Variants in TMEM202 observed in about 807,000 individuals in gnomAD.
TMEM202 encodes the protein transmembrane protein 202.
TMEM202 carries 25 observed loss-of-function variants against 26.1 expected under a neutral mutation model. The observed-to-expected ratio is 0.96, with a 90% CI of 0.70 to 1.34. TMEM202 has a LOEUF of 1.34. Ranked by LOEUF, TMEM202 falls within the 40% of genes most tolerant of loss-of-function variation. TMEM202 has a pLI of 0.00. For synonymous variants in TMEM202, 122 were observed against 119.0 expected (o/e 1.02, Z -0.16); for missense variants, 301 against 327.7 (o/e 0.92, Z 0.63).
intron 2 of TMEM202, among the ~76,000 whole-genome samples, chr15:72,406,132 T>C (rs1261898662): frequency 6.6e-6 from 1 of 151,994 alleles, no homozygotes; most frequent in Non-Finnish European, 1.5e-5. Flanking sequence ...AATCACATCA[T>C]ATATTCTTAA....
At position 72,398,716 on chromosome 15, in the gene TMEM202, A is replaced by G. The variant is rs2063533423; in HGVS notation, c.145A>G (p.Met49Val). 1.2e-6 allele frequency: 2 copies of G among 1,614,068 alleles called. No individual in the cohort carries two copies. The highest frequency in any genetic ancestry group is 2.2e-5 in the South Asian group (2 of 91,084). ...SMSCQRQQQL[M>V]DQAHIYIRTL... ...GTCATGCCAAAGGCAGCAGCAGCTTATGGATCAGGCACACATCTACATCCG... is the reference window on the plus strand; with the variant it reads ...GTCATGCCAAAGGCAGCAGCAGCTTGTGGATCAGGCACACATCTACATCCG... Residue 49 changes from methionine to valine, a missense_variant, in exon 2 of 5, where the codon ATG becomes GTG. Physicochemically the swap from Met to Val is conservative, Grantham distance 21. Coordinates refer to ENST00000341689, the MANE Select transcript of TMEM202 (RefSeq NM_001080462.3).
At position 72,398,847 on chromosome 15, in the gene TMEM202, C is replaced by T. The variant is rs142190891; in HGVS notation, c.276C>T (p.Tyr92=). 23 of 1,614,008 alleles carry T rather than the reference C, an allele frequency of 1.4e-5. No individual in the cohort carries two copies. Among genetic ancestry groups the T allele is most frequent in the Middle Eastern group, 3.3e-4 (2 of 6,048 alleles). The stretch of plus-strand genomic sequence containing the variant: ...TGATCAAGAATGGCCTTGAGCTCTA[C>T]GCAGGACTCTGGACCTTATGCAACC... The part of the protein sequence containing the change: ...FLVIKNGLEL[Y]AGLWTLCNHE... The change falls in exon 2 of 5, where the codon TAC becomes TAT. Residue 92 remains tyrosine (Y), a synonymous_variant. Transcript: ENST00000341689.
At position 72,405,408 on chromosome 15, in the gene TMEM202, C is replaced by A. The variant is rs559099003; in HGVS notation, c.338-1194C>A. ...TTCAGTAAAATATTGATGGGGAAGTCGAAGAACCTGTTCCATCTTAGGGAT... is the reference window on the plus strand; with the variant it reads ...TTCAGTAAAATATTGATGGGGAAGTAGAAGAACCTGTTCCATCTTAGGGAT... On this transcript the variant is annotated intron_variant, in intron 2 of 4. Coordinates refer to ENST00000341689, the MANE Select transcript of TMEM202 (RefSeq NM_001080462.3). 3.9e-5 allele frequency among the ~76,000 whole-genome samples: 6 copies of A among 152,150 alleles called. No individual in the cohort carries two copies. The East Asian group carries it at 1.2e-3, about 29-fold the overall frequency.
chr15:72,398,307 TTAGAGAACTA>T lies in TMEM202; in HGVS notation c.-19_-10del, dbSNP rs1489142796. On this transcript the variant is annotated 5_prime_UTR_variant, in exon 1 of 5. Coordinates refer to ENST00000341689, the MANE Select transcript of TMEM202 (RefSeq NM_001080462.3). ...GATGCAGAGACAAATTCCGTGGCAG[TTAGAGAACTA>T]ACTGCCAAGATGGAGCGAAGGGAAC... 1.2e-6 allele frequency: 2 copies of T among 1,603,854 alleles called. No individual in the cohort carries two copies. The highest frequency in any genetic ancestry group is 1.7e-6 in the Non-Finnish European group (2 of 1,174,256).
rs1276526922 is a variant in TMEM202, at chr15:72,407,701, T to A, written c.630T>A (p.Ser210=). 6.2e-7 allele frequency: 1 copy of A among 1,613,896 alleles called. No homozygotes were observed. The highest frequency in any genetic ancestry group is 8.5e-7 in the Non-Finnish European group (1 of 1,179,816). ...ATTCCCTTCCCGTAGGGATCATCTC[T>A]CTTCTCAACTACTTAACTTCCAGAT... is the stretch of plus-strand genomic sequence containing the variant. ...DIFYMFAGII[S]LLNYLTSRSP... is the part of the protein sequence containing the mutation. Residue 210 remains serine, a synonymous_variant, in exon 5 of 5, where the codon TCT becomes TCA. Coordinates refer to ENST00000341689, the MANE Select transcript of TMEM202 (RefSeq NM_001080462.3).
chr15:72,406,157 T>G (rs1265238506), intron 2 of TMEM202, among the ~76,000 whole-genome samples: 2 of 152,128 alleles, frequency 1.3e-5, no homozygotes, highest in African/African-American at 4.8e-5. Flanking sequence ...AAAACCCACA[T>G]GATATCTAGT....
Position 72,407,695 on chromosome 15 carries a change from C to A in TMEM202, c.624C>A (p.Ile208=). Residue 208 remains isoleucine (I), a synonymous_variant, in exon 5 of 5, where the codon ATC becomes ATA. Transcript: ENST00000341689. The part of the protein sequence containing the change: ...CSDIFYMFAG[I]ISLLNYLTSR... ...CAAATTATTCCCTTCCCGTAGGGATCATCTCTCTTCTCAACTACTTAACTT... is the reference window on the plus strand; with the variant it reads ...CAAATTATTCCCTTCCCGTAGGGATAATCTCTCTTCTCAACTACTTAACTT... 1 of 1,613,800 alleles carries A rather than the reference C, an allele frequency of 6.2e-7. No individual in the cohort carries two copies. Among genetic ancestry groups the A allele is most frequent in the Non-Finnish European group, 8.5e-7 (1 of 1,179,722 alleles).
At chr15:72,406,828 T>C (rs2063574155) in intron 3 of TMEM202, 77 bp downstream of exon 3, 1 of 1,488,690 alleles carries the variant, frequency 6.7e-7, no homozygotes, top group East Asian at 2.3e-5. Flanking sequence ...GGAACTCTCA[T>C]ACTCTTTTTC....
Position 72,398,312 on chromosome 15 carries a change from G to GAACT in TMEM202, c.-10_-7dup, listed in dbSNP as rs748253178. On this transcript the variant is annotated 5_prime_UTR_variant, in exon 1 of 5. Coordinates refer to ENST00000341689, the MANE Select transcript of TMEM202 (RefSeq NM_001080462.3). ...AGAGACAAATTCCGTGGCAGTTAGAGAACTAACTGCCAAGATGGAGCGAAG... is the reference window on the plus strand; with the variant it reads ...AGAGACAAATTCCGTGGCAGTTAGAGAACTAACTAACTGCCAAGATGGAGCGAAG... The GAACT allele has an allele frequency of 4.3e-5, 69 of 1,606,078 alleles. No homozygotes were observed. The highest frequency in any genetic ancestry group is 3.6e-5 in the Non-Finnish European group (42 of 1,175,064).
At chr15:72,401,099 G>A (rs1231903410) in intron 2 of TMEM202, among the ~76,000 whole-genome samples, 4 of 152,098 alleles carry the variant, frequency 2.6e-5, no homozygotes, top group African/African-American at 4.8e-5. Context: ...TGGTTTTAGC[G>A]GGTTTTGGCT....
Position 72,408,116 on chromosome 15 carries a change from A to C in TMEM202, c.*223A>C. 1.4e-5 allele frequency: 7 copies of C among 494,306 alleles called. No homozygotes were observed. Among genetic ancestry groups the C allele is most frequent in the Non-Finnish European group, 1.4e-5 (4 of 276,140 alleles). 30.6% of individuals were successfully genotyped at this position (494,306 alleles called of 1,614,324 possible). A position where few individuals can be genotyped will look rare whatever the true frequency, so the allele number is the denominator to read the frequency against. ...AAAACATTTCTAAAAGAAAACAACA[A>C]TGTTTAGAGTCATGAATGAAAGAAA... is the stretch of plus-strand genomic sequence containing the variant. On this transcript the variant is annotated 3_prime_UTR_variant, in exon 5 of 5. Coordinates refer to ENST00000341689, the MANE Select transcript of TMEM202 (RefSeq NM_001080462.3).
chr15:72,402,744 C>G (rs2063553716), intron 2 of TMEM202, among the ~76,000 whole-genome samples: 1 of 152,062 alleles, frequency 6.6e-6, no homozygotes, highest in South Asian at 2.1e-4. Context: ...ACTGGGCACC[C>G]TAGAGTTAGG....
At position 72,408,367 on chromosome 15, in the gene TMEM202, A is replaced by G. The variant is rs80292455; in HGVS notation, c.*474A>G. On this transcript the variant is annotated 3_prime_UTR_variant, in exon 5 of 5. Transcript: ENST00000341689. The stretch of plus-strand genomic sequence containing the variant: ...ATAAATATCAATGGATATAAGACCT[A>G]CTACTCAAAGGAACTGAGAGGTGCT... 6.6e-6 allele frequency among the ~76,000 whole-genome samples: 1 copy of G among 152,212 alleles called. No homozygotes were observed. Among genetic ancestry groups the G allele is most frequent in the Admixed American group, 6.5e-5 (1 of 15,286 alleles).
At chr15:72,399,145 G>C (rs1358153014) in intron 2 of TMEM202, among the ~76,000 whole-genome samples, 2 of 152,046 alleles carry the variant, frequency 1.3e-5, no homozygotes, top group Non-Finnish European at 2.9e-5. Flanking sequence ...TTTGTTTGTT[G>C]GTTGGTTTTT....
rs557604212 is a variant in TMEM202, at chr15:72,408,035, C to A, written c.*142C>A. Reference sequence around the variant, plus strand: ...ATTAAAGCTGATGAAATGTCTTTTGCGTGCATTGGATCCAAAATATATATG... The same window carrying A: ...ATTAAAGCTGATGAAATGTCTTTTGAGTGCATTGGATCCAAAATATATATG... On this transcript the variant is annotated 3_prime_UTR_variant, in exon 5 of 5. Transcript: ENST00000341689. 1.6e-6 allele frequency: 1 copy of A among 644,556 alleles called. No homozygotes were observed. The highest frequency in any genetic ancestry group is 2.6e-6 in the Non-Finnish European group (1 of 378,510). 39.9% of individuals were successfully genotyped at this position (644,556 alleles called of 1,614,324 possible). A position where few individuals can be genotyped will look rare whatever the true frequency, so the allele number is the denominator to read the frequency against.
intron 2 of TMEM202, among the ~76,000 whole-genome samples, chr15:72,401,548 A>G (rs1186142491): frequency 1.3e-5 from 2 of 152,176 alleles, no homozygotes; most frequent in Non-Finnish European, 2.9e-5. Context: ...GTCTCAAAAA[A>G]GAAAAAAATT....
At chr15:72,405,946 AGTAAAT>A (rs1347470806) in intron 2 of TMEM202, among the ~76,000 whole-genome samples, 1 of 152,234 alleles carries the variant, frequency 6.6e-6, no homozygotes, top group Non-Finnish European at 1.5e-5. Context: ...AGATAAATAA[AGTAAAT>A]GTGACTTCAT....
intron 2 of TMEM202, among the ~76,000 whole-genome samples, chr15:72,401,575 G>A (rs765233218): frequency 3.3e-5 from 5 of 152,112 alleles, no homozygotes; most frequent in Admixed American, 6.5e-5. Context: ...TTAGAATCCC[G>A]AAATTATGTC....
Position 72,398,336 on chromosome 15 carries a change from AG to A in TMEM202, c.13del (p.Glu5AsnfsTer3), listed in dbSNP as rs1236900295. The A allele has an allele frequency of 6.2e-7, 1 of 1,613,116 alleles. No individual in the cohort carries two copies. The highest frequency in any genetic ancestry group is 1.1e-5 in the South Asian group (1 of 90,624). On this transcript the variant is annotated frameshift_variant, in exon 1 of 5. Coordinates refer to ENST00000341689, the MANE Select transcript of TMEM202 (RefSeq NM_001080462.3). LOFTEE classifies it high-confidence loss of function. MERREHLTLTFHSP... is the reference protein window; with the variant it reads MERXEHLTLTFHSP... ...AGAACTAACTGCCAAGATGGAGCGA[AG>A]GGAACATTTAACCTTGACTTTCCAC...
Sources: allele counts gnomAD v4.1 joint callset (sites outside exome capture counted in the v4.1 genomes callset), GRCh38; gene constraint gnomAD v4.1.1; transcripts MANE v1.5; gene names NCBI Gene and HGNC (gene_info 2026-07-23, HGNC 2026-07-21).